Variants in THEM4 observed in about 807,000 individuals in gnomAD.
THEM4 encodes the protein acyl-coenzyme A thioesterase THEM4.
A neutral mutation model predicts 25.0 loss-of-function variants in THEM4; 22 were observed. That is an observed-to-expected ratio of 0.88 (90% CI 0.63 to 1.26). The LOEUF (loss-of-function observed/expected upper bound fraction) is 1.26, where lower values mean the gene tolerates loss of function less well. THEM4 is among the 50% of genes most tolerant of loss of function. The pLI, the probability that THEM4 is intolerant of heterozygous loss-of-function variation, is 0.00. For synonymous variants in THEM4, 113 were observed against 105.6 expected (o/e 1.07, Z -0.43); for missense variants, 286 against 300.3 (o/e 0.95, Z 0.35).
At chr1:151,905,804 C>T (rs944714094) in intron 1 of THEM4, among the ~76,000 whole-genome samples, 4 of 152,234 alleles carry the variant, frequency 2.6e-5, no homozygotes, top group Non-Finnish European at 5.9e-5. Flanking sequence ...TTTATCTAAA[C>T]AGCACAGTGA....
In THEM4 at chr1:151,893,297, G is replaced by A. The variant is rs148828401; in HGVS notation, c.286+1711C>T. ...TGAGGTGGGAGAATCACTTGAACCC[G>A]GGAGGAGGAGGTTGCAGTGAGCCGA... is the stretch of plus-strand genomic sequence containing the variant. On this transcript the variant is annotated intron_variant, in intron 2 of 5. Transcript: ENST00000368814. Among the ~76,000 whole-genome samples, 792 of 151,712 alleles carry A rather than the reference G, an allele frequency of 5.2e-3. 5 individuals are homozygous for A. The highest frequency in any genetic ancestry group is 0.018 in the African/African-American group (754 of 41,368).
intron 4 of THEM4, among the ~76,000 whole-genome samples, chr1:151,879,955 C>T (rs1309317288): frequency 6.6e-6 from 1 of 151,964 alleles, no homozygotes; most frequent in Non-Finnish European, 1.5e-5. Context: ...CGTGCCTGGC[C>T]TAAATCCTCC....
Position 151,871,260 on chromosome 1 carries a change from G to A in THEM4, c.*3628C>T, listed in dbSNP as rs1203741916. Among the ~76,000 whole-genome samples, 1 of 150,870 alleles carries A rather than the reference G, an allele frequency of 6.6e-6. No individual in the cohort carries two copies. The highest frequency in any genetic ancestry group is 2.4e-5 in the African/African-American group (1 of 40,948). The stretch of plus-strand genomic sequence containing the variant: ...GAATCGCTTGAACCTGGGAGGTGGA[G>A]GTTGCATTGAGCTGAGATTGTGTCT... On this transcript the variant is annotated 3_prime_UTR_variant, in exon 6 of 6. Transcript: ENST00000368814.
chr1:151,888,996 C>T (rs980376847), intron 3 of THEM4, among the ~76,000 whole-genome samples: 7 of 151,932 alleles, frequency 4.6e-5, no homozygotes, highest in Admixed American at 2.6e-4. Flanking sequence ...GCCCTATGCC[C>T]TATAATATTA....
chr1:151,893,772 A>C (rs1654148658), intron 2 of THEM4, among the ~76,000 whole-genome samples: 1 of 152,136 alleles, frequency 6.6e-6, no homozygotes, highest in Non-Finnish European at 1.5e-5. Flanking sequence ...AAAGGCAGAA[A>C]ATACTCATCC....
chr1:151,898,931 A>AC, intron 1 of THEM4, among the ~76,000 whole-genome samples: 1 of 152,252 alleles, frequency 6.6e-6, no homozygotes, highest in East Asian at 1.9e-4. Flanking sequence ...AAAAATCTGA[A>AC]CAACAGCCTT....
intron 1 of THEM4, 134 bp downstream of exon 1, chr1:151,909,226 G>A: frequency 1.5e-6 from 1 of 674,508 alleles, no homozygotes; most frequent in Non-Finnish European, 2.4e-6. Context: ...TGCTTATGCT[G>A]CCCTGTGGTG....
intron 2 of THEM4, 110 bp from the exon 3 acceptor site, chr1:151,889,483 C>T: frequency 5.3e-6 from 6 of 1,123,158 alleles, no homozygotes; most frequent in African/African-American, 1.6e-5. Flanking sequence ...ATGATTGATT[C>T]AAATGTCCAC....
At chr1:151,889,426 A>G in intron 2 of THEM4, 53 bp from the exon 3 acceptor site, 5 of 1,577,854 alleles carry the variant, frequency 3.2e-6, no homozygotes, top group Non-Finnish European at 4.3e-6. Context: ...GAGAAATGCC[A>G]TGGCAGAGCC....
At chr1:151,897,147 T>A (rs1329034467) in intron 1 of THEM4, among the ~76,000 whole-genome samples, 6 of 152,226 alleles carry the variant, frequency 3.9e-5, no homozygotes, top group Non-Finnish European at 7.4e-5. Context: ...AACTGGCTTT[T>A]TGGACTGCTG....
Position 151,873,909 on chromosome 1 carries a change from C to G in THEM4, c.*979G>C, listed in dbSNP as rs1354234878. 1.3e-5 allele frequency: 2 copies of G among 152,186 alleles called. No individual in the cohort carries two copies. The highest frequency in any genetic ancestry group is 2.9e-5 in the Non-Finnish European group (2 of 68,056). 9.4% of individuals were successfully genotyped at this position (152,186 alleles called of 1,614,324 possible). A position where few individuals can be genotyped will look rare whatever the true frequency, so the allele number is the denominator to read the frequency against. On this transcript the variant is annotated 3_prime_UTR_variant, in exon 6 of 6. Transcript: ENST00000368814. ...AACACCTTGATTTTGAACTTCTGGC[C>G]TCCAGAACTGAGAGACAATGAGTTT...
In THEM4 at chr1:151,902,476, A is replaced by G. The variant is rs147962207; in HGVS notation, c.99+6884T>C. On this transcript the variant is annotated intron_variant, in intron 1 of 5. Coordinates refer to ENST00000368814, the MANE Select transcript of THEM4 (RefSeq NM_053055.5). ...GACGCAAAGGCATAAGAATGATACAATGGACTTTGGGGACTTGGGGGGAAG... is the reference window on the plus strand; with the variant it reads ...GACGCAAAGGCATAAGAATGATACAGTGGACTTTGGGGACTTGGGGGGAAG... Among the ~76,000 whole-genome samples, 436 of 151,984 alleles carry G rather than the reference A, an allele frequency of 2.9e-3. 2 individuals carry two copies. The highest frequency in any genetic ancestry group is 0.01 in the African/African-American group (419 of 41,474).
chr1:151,878,173 T>A (rs964384267), intron 4 of THEM4, among the ~76,000 whole-genome samples: 2 of 152,176 alleles, frequency 1.3e-5, no homozygotes, highest in Non-Finnish European at 2.9e-5. Context: ...CTACCCTCCC[T>A]TCATTCTCTT....
chr1:151,907,541 G>A (rs998752213), intron 1 of THEM4, among the ~76,000 whole-genome samples: 1 of 152,144 alleles, frequency 6.6e-6, no homozygotes, highest in African/African-American at 2.4e-5. Flanking sequence ...AAAGTCAAGT[G>A]CTGTCTTTGT....
At chr1:151,892,385 C>T (rs544366009) in intron 2 of THEM4, among the ~76,000 whole-genome samples, 43 of 152,198 alleles carry the variant, frequency 2.8e-4, no homozygotes, top group African/African-American at 8.9e-4. Flanking sequence ...TTGGCACTTC[C>T]GTCACTAGTG....
Position 151,909,488 on chromosome 1 carries a change from T to C in THEM4, c.-30A>G. On this transcript the variant is annotated 5_prime_UTR_variant, in exon 1 of 6. Transcript: ENST00000368814. ...CCGGGCCGCGGGGCCGCGCTTGCTC[T>C]AGCCCTGGACGGCGCACTCTACCTC... 7.3e-7 allele frequency: 1 copy of C among 1,360,624 alleles called. No homozygotes were observed. Among genetic ancestry groups the C allele is most frequent in the Non-Finnish European group, 9.4e-7 (1 of 1,063,102 alleles). 84.3% of individuals were successfully genotyped at this position (1,360,624 alleles called of 1,614,324 possible).
Position 151,874,776 on chromosome 1 carries a change from A to C in THEM4, c.*112T>G. On this transcript the variant is annotated 3_prime_UTR_variant, in exon 6 of 6. Coordinates refer to ENST00000368814, the MANE Select transcript of THEM4 (RefSeq NM_053055.5). ...ATTCAGAAGGCTGTTTCGGAAGGTCACTGTTGGCAGGCTTCTCCCTACAGG... is the reference window on the plus strand; with the variant it reads ...ATTCAGAAGGCTGTTTCGGAAGGTCCCTGTTGGCAGGCTTCTCCCTACAGG... The C allele has an allele frequency of 2.1e-6, 2 of 961,746 alleles. No individual in the cohort carries two copies. The highest frequency in any genetic ancestry group is 2.7e-5 in the South Asian group (2 of 73,272). The allele number at this position is 961,746 out of a possible 1,614,324, so 59.6% of individuals were successfully genotyped here.
intron 1 of THEM4, among the ~76,000 whole-genome samples, chr1:151,902,104 C>T (rs528606921): frequency 1.3e-5 from 2 of 152,042 alleles, no homozygotes; most frequent in Non-Finnish European, 2.9e-5. Flanking sequence ...GCAAGAATTG[C>T]CATAATAAAA....
rs115711122 is a variant in THEM4, at chr1:151,904,614, G to A, written c.99+4746C>T. Among the ~76,000 whole-genome samples the A allele has an allele frequency of 9.4e-3, 1,435 of 152,268 alleles. 19 individuals are homozygous for A. The highest frequency in any genetic ancestry group is 0.033 in the African/African-American group (1,374 of 41,552). ...ATGAATTAAAATGGTGAAATGCAAT[G>A]GTAGGGAAACCAGTTAAAAGACTGT... On this transcript the variant is annotated intron_variant, in intron 1 of 5. Transcript: ENST00000368814.
Sources: gnomAD v4.1 joint callset for allele counts (sites outside exome capture counted in the v4.1 genomes callset) on GRCh38, gnomAD v4.1.1 for gene constraint, MANE v1.5 for transcripts, NCBI Gene and HGNC (gene_info 2026-07-23, HGNC 2026-07-21) for gene names.